Variants in PCDHA6 observed in about 807,000 individuals in gnomAD.
The protein encoded by PCDHA6 is protocadherin alpha-6.
PCDHA6 carries 55 observed loss-of-function variants against 60.3 expected under a neutral mutation model. That is an observed-to-expected ratio of 0.91 (90% CI 0.73 to 1.14). The LOEUF is 1.14. Among genes scored for constraint, PCDHA6 ranks in the 50% most tolerant of loss-of-function variants. PCDHA6 has a pLI of 0.00. For synonymous variants in PCDHA6, 652 were observed against 557.9 expected, an observed-to-expected ratio of 1.17 and a Z score of -2.38; for missense variants, 1,327 against 1,256.5, an observed-to-expected ratio of 1.06 and a Z score of -0.85.
rs2098422801 is a variant in PCDHA6, at chr5:141,012,055, C to T, written c.*2118C>T. On this transcript the variant is annotated 3_prime_UTR_variant, in exon 4 of 4. Coordinates refer to ENST00000529310, the MANE Select transcript of PCDHA6 (RefSeq NM_018909.4). ...GGATTGCATGGGGTAAAACTTGTTA[C>T]CAACACATGTGAACCATTGCTACAT... The T allele has an allele frequency of 6.5e-6, 1 of 153,666 alleles. No individual in the cohort carries two copies. Among genetic ancestry groups the T allele is most frequent in the African/African-American group, 2.4e-5 (1 of 41,404 alleles). 9.5% of individuals were successfully genotyped at this position (153,666 alleles called of 1,614,324 possible).
chr5:140,896,410 T>C (rs1554186951), intron 1 of PCDHA6, among the ~76,000 whole-genome samples: 1 of 152,154 alleles, frequency 6.6e-6, no homozygotes, highest in Non-Finnish European at 1.5e-5. Context: ...TTTTGACTTT[T>C]TAGTAATAGC....
In PCDHA6 at chr5:141,011,530, T is replaced by C. The variant is rs1427621980; in HGVS notation, c.*1593T>C. 7 of 153,810 alleles carry C rather than the reference T, an allele frequency of 4.6e-5. No individual in the cohort carries two copies. The highest frequency in any genetic ancestry group is 1.7e-4 in the African/African-American group (7 of 41,470). The allele number at this position is 153,810 out of a possible 1,614,324, so 9.5% of individuals were successfully genotyped here. Reference sequence around the variant, plus strand: ...TGGAGTAGTGTTTTTTTAACCATTGTTAATCAGCTTTTGTGTATGAAAGAC... The same window carrying C: ...TGGAGTAGTGTTTTTTTAACCATTGCTAATCAGCTTTTGTGTATGAAAGAC... On this transcript the variant is annotated 3_prime_UTR_variant, in exon 4 of 4. Transcript: ENST00000529310.
chr5:140,927,921 G>A, intron 1 of PCDHA6: 2 of 1,614,194 alleles, frequency 1.2e-6, no homozygotes, highest in South Asian at 1.1e-5. Context: ...TGGACTTCCT[G>A]ACTCTTTCGA....
intron 1 of PCDHA6, chr5:140,856,124 G>A (rs2043793970): frequency 6.3e-7 from 1 of 1,598,042 alleles, no homozygotes; most frequent in African/African-American, 1.3e-5. Context: ...CTGGGAGGTG[G>A]GGAGCGGCCA....
At chr5:140,836,936 A>C in intron 1 of PCDHA6, 1 of 476,206 alleles carries the variant, frequency 2.1e-6, no homozygotes, top group Non-Finnish European at 3.6e-6. Context: ...GTAATACTAT[A>C]GATCAAAATC....
intron 1 of PCDHA6, among the ~76,000 whole-genome samples, chr5:140,855,047 T>C (rs1426970366): frequency 1.3e-5 from 2 of 149,978 alleles, no homozygotes; most frequent in African/African-American, 2.4e-5. Flanking sequence ...TCTGTAATAG[T>C]ACTTTTCTGT....
chr5:140,883,403 T>C (rs1009539034), intron 1 of PCDHA6: 1 of 1,614,168 alleles, frequency 6.2e-7, no homozygotes, highest in Non-Finnish European at 8.5e-7. Context: ...CGATCGTGAC[T>C]CTGGCTCAAA....
Position 140,852,587 on chromosome 5 carries a change from T to TTA in PCDHA6, c.2394+22103_2394+22104insAT, listed in dbSNP as rs201827177. On this transcript the variant is annotated intron_variant, in intron 1 of 3. Coordinates refer to ENST00000529310, the MANE Select transcript of PCDHA6 (RefSeq NM_018909.4). ...CACTGTGCCAAGGCTTTTTTATTTTTTTTTTTTGTCATTTTCTTTCAAAAC... is the reference window on the plus strand; with the variant it reads ...CACTGTGCCAAGGCTTTTTTATTTTTTATTTTTTTGTCATTTTCTTTCAAAAC... The TTA allele has an allele frequency of 1.9e-3, 1,677 of 881,866 alleles. 105 individuals carry two copies. The African/African-American group carries it at 0.023, about 12-fold the overall frequency. 54.6% of individuals were successfully genotyped at this position (881,866 alleles called of 1,614,324 possible). A position where few individuals can be genotyped will look rare whatever the true frequency, so the allele number is the denominator to read the frequency against.
intron 1 of PCDHA6, chr5:140,927,658 C>T (rs782350503): frequency 5.0e-6 from 8 of 1,614,094 alleles, no homozygotes; most frequent in Non-Finnish European, 6.8e-6. Context: ...ATTCCGAGTT[C>T]AAGCCTTGGA....
intron 1 of PCDHA6, chr5:140,967,312 A>G (rs1554229425): frequency 5.0e-6 from 8 of 1,611,226 alleles, no homozygotes; most frequent in Admixed American, 1.7e-5. Context: ...CCAACTCAGT[A>G]CAGACCTACG....
intron 1 of PCDHA6, among the ~76,000 whole-genome samples, chr5:140,952,839 T>G (rs1270756530): frequency 6.6e-6 from 1 of 152,210 alleles, no homozygotes; most frequent in Non-Finnish European, 1.5e-5. Context: ...GCTGGCCATC[T>G]GCTTGTCTTC....
At chr5:140,981,629 G>A (rs1342775971) in intron 2 of PCDHA6, among the ~76,000 whole-genome samples, 1 of 151,994 alleles carries the variant, frequency 6.6e-6, no homozygotes. Flanking sequence ...GGTTTTCTTG[G>A]ACATTTTCTC....
chr5:141,004,094 G>C (rs962663466), intron 3 of PCDHA6, among the ~76,000 whole-genome samples: 1 of 152,194 alleles, frequency 6.6e-6, no homozygotes, highest in African/African-American at 2.4e-5. Flanking sequence ...TGCTTCTTCC[G>C]TTTTCATCTT....
At chr5:140,854,785 T>G (rs998570267) in intron 1 of PCDHA6, 1 of 149,740 alleles carries the variant, frequency 6.7e-6, no homozygotes, top group South Asian at 2.1e-4. Flanking sequence ...TTTCAAGAAC[T>G]TTGAGAGAGA....
At chr5:140,887,157 C>T (rs1200573671) in intron 1 of PCDHA6, among the ~76,000 whole-genome samples, 4 of 151,110 alleles carry the variant, frequency 2.6e-5, no homozygotes, top group African/African-American at 9.7e-5. Flanking sequence ...AGTACAGTGG[C>T]GTGATCTCGG....
intron 1 of PCDHA6, chr5:140,834,620 G>A (rs1773151452): frequency 1.9e-6 from 3 of 1,614,080 alleles, no homozygotes; most frequent in Non-Finnish European, 2.5e-6. Flanking sequence ...AGGTAAATCT[G>A]CAGAATGGCA....
At chr5:140,929,148 G>A in intron 1 of PCDHA6, 1 of 1,614,190 alleles carries the variant, frequency 6.2e-7, no homozygotes, top group Middle Eastern at 1.6e-4. Flanking sequence ...GACTTTCTCA[G>A]ACTTATCTCT....
chr5:140,927,409 A>G lies in PCDHA6; in HGVS notation c.2395-51540A>G. The G allele has an allele frequency of 4.3e-6, 7 of 1,614,120 alleles. No individual in the cohort carries two copies. Among genetic ancestry groups the G allele is most frequent in the Non-Finnish European group, 5.9e-6 (7 of 1,179,964 alleles). On this transcript the variant is annotated intron_variant, in intron 1 of 3. Coordinates refer to ENST00000529310, the MANE Select transcript of PCDHA6 (RefSeq NM_018909.4). ...CCCCAGTCAGCACTTTCGCCTGGAC[A>G]TGGGATCGCGGGTTGACGGCAGCGA...
intron 1 of PCDHA6, chr5:140,870,846 G>T: frequency 6.2e-7 from 1 of 1,613,860 alleles, no homozygotes; most frequent in Non-Finnish European, 8.5e-7. Context: ...AGCTAGTACC[G>T]CGGTCGGTGG....
Sources: allele counts gnomAD v4.1 joint callset (sites outside exome capture counted in the v4.1 genomes callset), GRCh38; gene constraint gnomAD v4.1.1; transcripts MANE v1.5; gene names NCBI Gene and HGNC (gene_info 2026-07-23, HGNC 2026-07-21).